The following PSMF1 variants were observed in gnomAD, a reference collection of about 807,000 sequenced individuals.
PSMF1 encodes proteasome inhibitor subunit 1.
Under a neutral mutation model 29.3 loss-of-function variants are expected in PSMF1, and 30 were observed. The ratio of observed to expected loss-of-function variants is 1.02; its 90% CI spans 0.77 to 1.39. The LOEUF is 1.39. Ranked by LOEUF, PSMF1 falls within the 40% of genes most tolerant of loss-of-function variation. The pLI is 0.00. For synonymous variants in PSMF1, 134 were observed against 139.7 expected (o/e 0.96, Z 0.29); for missense variants, 344 against 357.5 (o/e 0.96, Z 0.31).
At chr20:1,121,100 A>T (rs1480307828) in intron 1 of PSMF1, among the ~76,000 whole-genome samples, 2 of 152,098 alleles carry the variant, frequency 1.3e-5, no homozygotes, top group Non-Finnish European at 2.9e-5. Flanking sequence ...GATGAAATGT[A>T]CAGAAAGAAT....
intron 4 of PSMF1, among the ~76,000 whole-genome samples, chr20:1,148,021 C>T (rs1375563437): frequency 1.3e-5 from 2 of 152,200 alleles, no homozygotes; most frequent in Non-Finnish European, 2.9e-5. Context: ...CAGTGTCTCA[C>T]CCCTCACCTT....
chr20:1,150,206 C>T (rs2086510625), intron 4 of PSMF1, among the ~76,000 whole-genome samples: 1 of 151,632 alleles, frequency 6.6e-6, no homozygotes, highest in Non-Finnish European at 1.5e-5. Flanking sequence ...GTGCTTTATG[C>T]CCGTTTCCCA....
rs765338594 is a variant in PSMF1 at position 1,125,573 on chromosome 20, TATG to T, written c.207_209del (p.Tyr69_Glu70delinsTer). 6.2e-7 allele frequency: 1 copy of T among 1,614,094 alleles called. No individual in the cohort carries two copies. The highest frequency in any genetic ancestry group is 8.5e-7 in the Non-Finnish European group (1 of 1,179,996). On this transcript the variant is annotated stop_gained and inframe_deletion, in exon 2 of 7. Transcript: ENST00000335877. LOFTEE classifies it high-confidence loss of function. ...CAATAAAGACCTGTATGTCCTCCGG[TATG>T]AGTATAAGGATGGGTCCAGAAAGCT...
intron 4 of PSMF1, among the ~76,000 whole-genome samples, chr20:1,150,384 C>CTA (rs778248412): frequency 3.9e-5 from 6 of 152,040 alleles, no homozygotes; most frequent in African/African-American, 7.2e-5. Flanking sequence ...TTGAGTCATA[C>CTA]TATGGCATCA....
intron 4 of PSMF1, among the ~76,000 whole-genome samples, chr20:1,155,641 G>C (rs528940729): frequency 6.6e-6 from 1 of 152,336 alleles, no homozygotes; most frequent in East Asian, 1.9e-4. Context: ...AAGTGAACCT[G>C]ATTCTAAATA....
At position 1,138,518 on chromosome 20, in the gene PSMF1, C is replaced by CAA. The variant is rs34220986; in HGVS notation, c.551+3229_551+3230dup. 3.6e-3 allele frequency among the ~76,000 whole-genome samples: 353 copies of CAA among 97,700 alleles called. 4 individuals are homozygous for CAA. The highest frequency in any genetic ancestry group is 7.8e-3 in the African/African-American group (198 of 25,458). 64.1% of individuals were successfully genotyped at this position (97,700 alleles called of 152,430 possible). On this transcript the variant is annotated intron_variant, in intron 4 of 6. Transcript: ENST00000335877. ...AGCCTGGGCAACAGAGACTGCATCTCAAAAAAAAAAAAAAAAAATACAACA... is the reference window on the plus strand; with the variant it reads ...AGCCTGGGCAACAGAGACTGCATCTCAAAAAAAAAAAAAAAAAAAATACAACA...
At position 1,163,011 on chromosome 20, in the gene PSMF1, C is replaced by T. The variant is rs2086685513; in HGVS notation, c.552-119C>T. 4 of 1,034,552 alleles carry T rather than the reference C, an allele frequency of 3.9e-6. No individual in the cohort carries two copies. In the Admixed American group the frequency reaches 6.1e-5, roughly 16 times the overall value. The allele number at this position is 1,034,552 out of a possible 1,614,324, so 64.1% of individuals were successfully genotyped here. ...TGAGCCAAGGACCACCCTGAAATAT[C>T]CCTTGTGCTATGGTCTCATGCAAGG... On this transcript the variant is annotated intron_variant, in intron 4 of 6. Coordinates refer to ENST00000335877, the MANE Select transcript of PSMF1 (RefSeq NM_006814.5). The surrounding 1 kb of genome is among the most constrained non-coding windows in gnomAD (Gnocchi z 6.1).
At chr20:1,126,904 AG>A (rs2086164013) in intron 2 of PSMF1, among the ~76,000 whole-genome samples, 1 of 152,152 alleles carries the variant, frequency 6.6e-6, no homozygotes, top group Non-Finnish European at 1.5e-5. Context: ...AAAAAGAACC[AG>A]GATAGCTCAT....
In PSMF1 at chr20:1,170,747, C is replaced by T. The variant is rs1246641193; in HGVS notation, c.*5667C>T. Among the ~76,000 whole-genome samples the T allele has an allele frequency of 5.3e-5, 8 of 152,020 alleles. No homozygotes were observed. The East Asian group carries it at 1.5e-3, about 29-fold the overall frequency. ...GTCTTATTAACAGAGAGTTGGGGCT[C>T]GGTGGGTGCTTGCTGCAATTGTTAC... is the stretch of plus-strand genomic sequence containing the variant. On this transcript the variant is annotated 3_prime_UTR_variant, in exon 7 of 7. Transcript: ENST00000335877.
intron 1 of PSMF1, 84 bp downstream of exon 1, chr20:1,118,986 C>G: frequency 1.3e-6 from 2 of 1,511,532 alleles, no homozygotes; most frequent in Non-Finnish European, 1.8e-6. Context: ...CCAGAGCGCC[C>G]GATTTCCCCG....
upstream of PSMF1, chr20:1,118,474 A>T: frequency 3.6e-6 from 1 of 279,006 alleles, no homozygotes. Context: ...GACTGCCGCC[A>T]AGACCCGGCT....
intron 4 of PSMF1, among the ~76,000 whole-genome samples, chr20:1,157,837 T>TG (rs773635171): frequency 6.6e-6 from 1 of 151,480 alleles, no homozygotes; most frequent in Non-Finnish European, 1.5e-5. Context: ...TAGTCCTGCC[T>TG]GGATTGGGCT....
chr20:1,151,510 C>T (rs2086530344), intron 4 of PSMF1, among the ~76,000 whole-genome samples: 1 of 152,190 alleles, frequency 6.6e-6, no homozygotes, highest in Non-Finnish European at 1.5e-5. Context: ...CTAACTTGCC[C>T]TGGGTCACAC....
At chr20:1,127,294 C>T (rs780589368) in intron 2 of PSMF1, 132 bp from the exon 3 acceptor site, 10 of 801,264 alleles carry the variant, frequency 1.2e-5, no homozygotes, top group Non-Finnish European at 2.2e-5. Context: ...TTCATATAAA[C>T]AGTCCTTATA....
chr20:1,117,518 A>AT (rs1292895488), upstream of PSMF1, among the ~76,000 whole-genome samples: 2 of 151,938 alleles, frequency 1.3e-5, no homozygotes, highest in African/African-American at 4.8e-5. Flanking sequence ...TAATTTTTGT[A>AT]TTTTTAGTAG....
At chr20:1,157,120 G>A (rs1263443404) in intron 4 of PSMF1, among the ~76,000 whole-genome samples, 2 of 152,122 alleles carry the variant, frequency 1.3e-5, no homozygotes, top group African/African-American at 4.8e-5. Context: ...ATGTAGGCTG[G>A]GAAGCTAGGC....
intron 4 of PSMF1, among the ~76,000 whole-genome samples, chr20:1,138,947 AG>A (rs778895707): frequency 4.5e-4 from 69 of 152,318 alleles, no homozygotes; most frequent in Non-Finnish European, 9.3e-4. Context: ...AGGCCAAGGC[AG>A]GTGGATTATT....
chr20:1,114,204 T>G (rs1211386059), upstream of PSMF1, among the ~76,000 whole-genome samples: 1 of 152,212 alleles, frequency 6.6e-6, no homozygotes, highest in Admixed American at 6.5e-5. Flanking sequence ...GCAATAGCTC[T>G]GAGACATGCC....
chr20:1,125,303 G>T (rs143440037), intron 1 of PSMF1, among the ~76,000 whole-genome samples, 195 bp from the exon 2 acceptor site: 75 of 152,294 alleles, frequency 4.9e-4, no homozygotes, highest in African/African-American at 1.7e-3. Context: ...GAGGGAGAGC[G>T]CAGTAGAACA....
Sources: gnomAD v4.1 joint callset for allele counts (sites outside exome capture counted in the v4.1 genomes callset) on GRCh38, gnomAD v4.1.1 for gene constraint, Gnocchi (gnomAD v3.1) non-coding constraint, MANE v1.5 for transcripts, NCBI Gene and HGNC (gene_info 2026-07-23, HGNC 2026-07-21) for gene names.